The following GLI2 variants were observed in gnomAD, a reference collection of about 807,000 sequenced individuals.
GLI2 encodes the protein GLI family zinc finger 2, also known as transcription activator GLI2.
In GLI2, 22 loss-of-function variants were observed where a neutral mutation model predicts 78.9. The observed-to-expected ratio is 0.28, with a 90% confidence interval of 0.20 to 0.40. The LOEUF (loss-of-function observed/expected upper bound fraction) is 0.40, where lower values mean the gene tolerates loss of function less well. Among genes scored for constraint, GLI2 ranks in the 10% least tolerant of loss-of-function variants. The pLI, the probability that GLI2 is intolerant of heterozygous loss-of-function variation, is 1.00. For missense variants in GLI2, 2,097 were observed against 2,213.2 expected (o/e 0.95, Z 1.05); for synonymous variants, 974 against 963.7 (o/e 1.01, Z -0.20).
intron 1 of GLI2, among the ~76,000 whole-genome samples, chr2:120,794,169 T>C (rs7565812): frequency 0.42 from 63,842 of 152,010 alleles, 15,549 homozygotes; most frequent in African/African-American, 0.68. Context: ...AGGGCTGCAA[T>C]CATGGGCTAG....
rs752338987 is a variant in GLI2 at position 120,988,643 on chromosome 2, G to A, written c.2678G>A (p.Arg893His). The change falls in exon 14 of 14, where the codon CGC (arginine) becomes CAC (histidine). Residue 893 changes from arginine to histidine, a missense_variant. Around this residue, in one of 5 missense-constraint regions of GLI2, gnomAD observed 1,290 missense variants for 1,261.7 expected, o/e 1.02. Coordinates refer to ENST00000361492, the MANE Select transcript of GLI2 (RefSeq NM_001374353.1). Reference protein sequence around the residue: ...PPPTPLPGLERMSLRTRLALL... With the variant: ...PPPTPLPGLEHMSLRTRLALL... Reference sequence around the variant, plus strand: ...CCCACTCCGCTGCCGGGCCTGGAGCGCATGAGCCTGCGGACCAGGCTGGCG... The same window carrying A: ...CCCACTCCGCTGCCGGGCCTGGAGCACATGAGCCTGCGGACCAGGCTGGCG... The A allele has an allele frequency of 2.1e-5, 30 of 1,429,734 alleles. No homozygotes were observed. In the South Asian group the frequency reaches 3.5e-4, roughly 17 times the overall value. 88.6% of individuals were successfully genotyped at this position (1,429,734 alleles called of 1,614,324 possible).
At chr2:120,759,310 T>C (rs1272278554) in intron 1 of GLI2, among the ~76,000 whole-genome samples, 1 of 152,060 alleles carries the variant, frequency 6.6e-6, no homozygotes, top group Non-Finnish European at 1.5e-5. Context: ...ATCCCACAGG[T>C]TGAGAGCTCA....
chr2:120,927,838 G>A (rs954923916), intron 3 of GLI2, among the ~76,000 whole-genome samples: 1 of 152,214 alleles, frequency 6.6e-6, no homozygotes, highest in African/African-American at 2.4e-5. Context: ...ATAATTCAGA[G>A]CACCCTTTTT....
At chr2:120,911,653 C>T (rs1271584866) in intron 2 of GLI2, among the ~76,000 whole-genome samples, 1 of 152,186 alleles carries the variant, frequency 6.6e-6, no homozygotes, top group Non-Finnish European at 1.5e-5. Context: ...CTCACCTCCT[C>T]CATGCCACTC....
At chr2:120,865,178 T>C (rs1347113096) in intron 2 of GLI2, among the ~76,000 whole-genome samples, 1 of 152,176 alleles carries the variant, frequency 6.6e-6, no homozygotes, top group Non-Finnish European at 1.5e-5. Flanking sequence ...GTCTGAGCGC[T>C]TGCCTGTGTC....
At chr2:120,977,415 T>A (rs1558931127) in intron 9 of GLI2, among the ~76,000 whole-genome samples, 1 of 152,238 alleles carries the variant, frequency 6.6e-6, no homozygotes, top group African/African-American at 2.4e-5. Context: ...TTTTCCATTC[T>A]AAGTCTTTGA....
intron 2 of GLI2, among the ~76,000 whole-genome samples, chr2:120,804,443 C>T (rs1162762421): frequency 6.6e-6 from 1 of 152,204 alleles, no homozygotes; most frequent in Non-Finnish European, 1.5e-5. Flanking sequence ...GGTCAGCTGT[C>T]TCTGGGTATA....
At chr2:120,947,183 C>T (rs1680750731) in intron 3 of GLI2, among the ~76,000 whole-genome samples, 1 of 152,210 alleles carries the variant, frequency 6.6e-6, no homozygotes, top group African/African-American at 2.4e-5. Context: ...TTACCACCAA[C>T]CAGTGTCATC....
chr2:120,947,359 A>G (rs1041241344), intron 3 of GLI2, among the ~76,000 whole-genome samples: 1 of 152,244 alleles, frequency 6.6e-6, no homozygotes, highest in Admixed American at 6.5e-5. Context: ...CTGTGTTGTG[A>G]ATGTTTTATT....
At chr2:120,975,695 G>A (rs943120943) in intron 9 of GLI2, among the ~76,000 whole-genome samples, 2 of 152,124 alleles carry the variant, frequency 1.3e-5, no homozygotes, top group Admixed American at 6.5e-5. Context: ...CATGGGAGCC[G>A]GCGAGACCTT....
chr2:120,874,681 T>C (rs764223681), intron 2 of GLI2, among the ~76,000 whole-genome samples: 4 of 152,184 alleles, frequency 2.6e-5, no homozygotes, highest in Non-Finnish European at 5.9e-5. Flanking sequence ...GCTAATGAGG[T>C]ATCTCTCTGC....
chr2:120,775,536 G>GGC (rs971140418), intron 1 of GLI2, among the ~76,000 whole-genome samples: 2 of 152,182 alleles, frequency 1.3e-5, no homozygotes, highest in African/African-American at 4.8e-5. Context: ...CTGCCTCGGG[G>GGC]TGGAGGCATT....
intron 1 of GLI2, among the ~76,000 whole-genome samples, chr2:120,773,268 C>A (rs1683573515): frequency 6.6e-6 from 1 of 152,112 alleles, no homozygotes; most frequent in African/African-American, 2.4e-5. Context: ...GAGCGTAGGC[C>A]TGTAGCATCC....
At chr2:120,820,793 G>T (rs898916687) in intron 2 of GLI2, among the ~76,000 whole-genome samples, 4 of 152,192 alleles carry the variant, frequency 2.6e-5, no homozygotes, top group Admixed American at 2.6e-4. Flanking sequence ...ACACTCAAGT[G>T]TTCCAGTGGC....
intron 2 of GLI2, among the ~76,000 whole-genome samples, chr2:120,828,200 C>G (rs1305517681): frequency 6.6e-6 from 1 of 152,212 alleles, no homozygotes; most frequent in Admixed American, 6.5e-5. Context: ...TCAGTGCCCT[C>G]TTTATGCATG....
At chr2:120,803,685 C>T (rs1295583983) in intron 2 of GLI2, among the ~76,000 whole-genome samples, 1 of 152,192 alleles carries the variant, frequency 6.6e-6, no homozygotes, top group Non-Finnish European at 1.5e-5. Flanking sequence ...TGGTCTTTTC[C>T]CCAGCACGCT....
intron 2 of GLI2, among the ~76,000 whole-genome samples, chr2:120,866,022 T>A (rs1396868611): frequency 6.6e-6 from 1 of 152,228 alleles, no homozygotes; most frequent in Non-Finnish European, 1.5e-5. Context: ...TTGCTCCCCA[T>A]GCTGAAAGAT....
intron 9 of GLI2, among the ~76,000 whole-genome samples, chr2:120,977,999 G>A (rs1368433370): frequency 6.6e-6 from 1 of 152,202 alleles, no homozygotes; most frequent in Non-Finnish European, 1.5e-5. Flanking sequence ...CACCCACTAC[G>A]GGCACGTTTG....
At chr2:120,887,904 T>C (rs1235587317) in intron 2 of GLI2, among the ~76,000 whole-genome samples, 1 of 152,186 alleles carries the variant, frequency 6.6e-6, no homozygotes, top group Non-Finnish European at 1.5e-5. Context: ...GCTTGGGACA[T>C]GCATTCACAA....
Sources: allele counts gnomAD v4.1 joint callset (sites outside exome capture counted in the v4.1 genomes callset), GRCh38; gene constraint gnomAD v4.1.1; regional missense constraint gnomAD v4.1.1; transcripts MANE v1.5; gene names NCBI Gene and HGNC (gene_info 2026-07-23, HGNC 2026-07-21).